PCDH15: variants seen among roughly 807,000 people sequenced by gnomAD.
PCDH15 encodes protocadherin-15.
In PCDH15, 129 loss-of-function variants were observed where a neutral mutation model predicts 178.5. The ratio of observed to expected loss-of-function variants is 0.72; its 90% CI spans 0.63 to 0.84. PCDH15 has a LOEUF of 0.84. Ranked by LOEUF, PCDH15 falls within the 40% of genes least tolerant of loss-of-function variation. The pLI is 0.00. For synonymous variants in PCDH15, 800 were observed against 732.0 expected (o/e 1.09, Z -1.50); for missense variants, 2,230 against 2,099.9 (o/e 1.06, Z -1.21).
At chr10:54,641,636 TTTTC>T (rs963602013) in intron 2 of PCDH15, among the ~76,000 whole-genome samples, 20 of 151,782 alleles carry the variant, frequency 1.3e-4, no homozygotes, top group South Asian at 2.1e-4. Context: ...GCATGCACAT[TTTTC>T]TTTATCTATT....
At chr10:54,361,743 TA>T (rs1946084497) in intron 5 of PCDH15, among the ~76,000 whole-genome samples, 1 of 152,082 alleles carries the variant, frequency 6.6e-6, no homozygotes, top group Admixed American at 6.6e-5. Flanking sequence ...AAATTAGTAT[TA>T]ATATTTATTC....
intron 2 of PCDH15, among the ~76,000 whole-genome samples, chr10:55,569,819 TTCTG>T (rs1247399434): frequency 2.6e-5 from 4 of 152,020 alleles, no homozygotes; most frequent in African/African-American, 9.7e-5. Context: ...ATGGTTCTAT[TTCTG>T]TCTATGTCTA....
At chr10:54,849,773 G>A (rs1184179889) in intron 3 of PCDH15, among the ~76,000 whole-genome samples, 1 of 152,110 alleles carries the variant, frequency 6.6e-6, no homozygotes, top group Non-Finnish European at 1.5e-5. Context: ...GAATCAAAAT[G>A]AAGTTGACTA....
At position 54,736,427 on chromosome 10, in the gene PCDH15, G is replaced by T. The variant is rs190132132; in HGVS notation, c.-29+64498C>A. Among the ~76,000 whole-genome samples the T allele has an allele frequency of 9.6e-4, 146 of 152,106 alleles. 1 individual carries two copies. The highest frequency in any genetic ancestry group is 3.4e-3 in the Middle Eastern group (1 of 294). ...CATCCCCCAACAAACGCAGCCCTCAGTATTTATAAATGTGCCCCATGCTGC... is the reference window on the plus strand; with the variant it reads ...CATCCCCCAACAAACGCAGCCCTCATTATTTATAAATGTGCCCCATGCTGC... On this transcript the variant is annotated intron_variant, in intron 1 of 37. Coordinates refer to ENST00000644397, the MANE Select transcript of PCDH15 (RefSeq NM_001384140.1).
chr10:54,532,930 T>C (rs1490423622), intron 2 of PCDH15, among the ~76,000 whole-genome samples: 1 of 151,874 alleles, frequency 6.6e-6, no homozygotes, highest in Non-Finnish European at 1.5e-5. Flanking sequence ...TGTGAGTGAG[T>C]GTGGGTGTGT....
chr10:54,310,810 T>A (rs1274396940), intron 8 of PCDH15, among the ~76,000 whole-genome samples: 1 of 151,914 alleles, frequency 6.6e-6, no homozygotes, highest in African/African-American at 2.4e-5. Flanking sequence ...AATCATAATT[T>A]TAAAATAAAT....
At chr10:55,463,588 G>C (rs1023501240) in intron 2 of PCDH15, among the ~76,000 whole-genome samples, 1 of 152,032 alleles carries the variant, frequency 6.6e-6, no homozygotes, top group Non-Finnish European at 1.5e-5. Flanking sequence ...GAGTCCAGTA[G>C]GTGCAGGCTG....
chr10:53,940,385 A>G (rs962996114), intron 24 of PCDH15, among the ~76,000 whole-genome samples: 1 of 152,136 alleles, frequency 6.6e-6, no homozygotes, highest in Non-Finnish European at 1.5e-5. Context: ...TATAACATGC[A>G]TAGCTTTTAA....
chr10:54,120,102 G>A (rs555979013), intron 15 of PCDH15, among the ~76,000 whole-genome samples: 15 of 152,146 alleles, frequency 9.9e-5, no homozygotes, highest in African/African-American at 3.6e-4. Context: ...GGGAGCCTGG[G>A]GATCTATTTT....
intron 1 of PCDH15, among the ~76,000 whole-genome samples, chr10:55,295,412 C>A (rs529303226): frequency 6.6e-6 from 1 of 152,340 alleles, no homozygotes; most frequent in South Asian, 2.1e-4. Flanking sequence ...CCAAGGATTT[C>A]TTTCAATTTG....
intron 8 of PCDH15, among the ~76,000 whole-genome samples, chr10:54,270,809 C>G (rs2132485037): frequency 6.6e-6 from 1 of 152,156 alleles, no homozygotes; most frequent in African/African-American, 2.4e-5. Context: ...GTTTTAGATA[C>G]TTGGGCTATA....
intron 2 of PCDH15, among the ~76,000 whole-genome samples, chr10:54,638,506 T>G (rs2093914282): frequency 6.6e-6 from 1 of 152,200 alleles, no homozygotes; most frequent in Middle Eastern, 3.4e-3. Context: ...CCTAAAGTAC[T>G]TCGCCAAAAA....
chr10:55,085,924 T>C (rs1842157930), intron 2 of PCDH15, among the ~76,000 whole-genome samples: 2 of 151,784 alleles, frequency 1.3e-5, no homozygotes, highest in Admixed American at 1.3e-4. Flanking sequence ...ACTATTTAGT[T>C]ATATGTATTT....
intron 2 of PCDH15, among the ~76,000 whole-genome samples, chr10:55,488,790 T>A (rs1351109288): frequency 6.6e-6 from 1 of 151,558 alleles, no homozygotes; most frequent in African/African-American, 2.4e-5. Flanking sequence ...AAATTCAAAG[T>A]TGCCAATGGA....
chr10:54,675,936 T>A (rs1287925828), intron 1 of PCDH15, among the ~76,000 whole-genome samples: 1 of 152,184 alleles, frequency 6.6e-6, no homozygotes, highest in Non-Finnish European at 1.5e-5. Context: ...AGCTAATTTG[T>A]TCTTGTCAAA....
intron 23 of PCDH15, among the ~76,000 whole-genome samples, chr10:53,951,089 A>G (rs1832050896): frequency 6.6e-6 from 1 of 152,248 alleles, no homozygotes; most frequent in Non-Finnish European, 1.5e-5. Context: ...AGTCTATTTC[A>G]TTCATTGCAT....
chr10:53,959,949 A>G (rs1167366058), intron 22 of PCDH15, 105 bp from the exon 23 acceptor site: 2 of 876,868 alleles, frequency 2.3e-6, no homozygotes, highest in Non-Finnish European at 3.7e-6. Flanking sequence ...TGGTTCCAGA[A>G]GGGGAAGCAA....
At chr10:54,756,723 A>T (rs1306924740) in intron 1 of PCDH15, among the ~76,000 whole-genome samples, 1 of 38,484 alleles carries the variant, frequency 2.6e-5, no homozygotes, top group Non-Finnish European at 7.5e-5. Context: ...TATGTGAAAG[A>T]GAGAGAGAGA....
At chr10:54,627,825 A>C (rs2093599159) in intron 2 of PCDH15, among the ~76,000 whole-genome samples, 1 of 152,192 alleles carries the variant, frequency 6.6e-6, no homozygotes, top group Admixed American at 6.5e-5. Flanking sequence ...AAAATCATTT[A>C]TGCTGAGAAT....
Sources: gnomAD v4.1 joint callset for allele counts (sites outside exome capture counted in the v4.1 genomes callset) on GRCh38, gnomAD v4.1.1 for gene constraint, MANE v1.5 for transcripts, NCBI Gene and HGNC (gene_info 2026-07-23, HGNC 2026-07-21) for gene names.